DGKB: variants seen among roughly 807,000 people sequenced by gnomAD.
The protein encoded by DGKB is 90 kDa diacylglycerol kinase.
In DGKB, 67 loss-of-function variants were observed where a neutral mutation model predicts 114.3. The observed-to-expected ratio is 0.59, with a 90% CI of 0.48 to 0.72. The LOEUF is 0.72. Among genes scored for constraint, DGKB ranks in the 30% least tolerant of loss-of-function variants. The probability of loss-of-function intolerance (pLI) is 0.00; values close to 1 mark genes in which losing one functional copy is unlikely to be tolerated. For missense variants in DGKB, 907 were observed against 975.2 expected (o/e 0.93, Z 0.93); for synonymous variants, 398 against 323.1 (o/e 1.23, Z -2.49).
In DGKB at chr7:14,604,214, A is replaced by G. The variant is rs1315779499; in HGVS notation, c.1433+3220T>C. 2.0e-5 allele frequency among the ~76,000 whole-genome samples: 3 copies of G among 152,268 alleles called. No homozygotes were observed. The East Asian group carries it at 5.8e-4, about 29-fold the overall frequency. On this transcript the variant is annotated intron_variant, in intron 17 of 25. Transcript: ENST00000402815. ...TCAGGATCAGGGAGAGATGATTTAT[A>G]TAAAGAGATAGAATGGAAACACATA...
intron 20 of DGKB, among the ~76,000 whole-genome samples, chr7:14,550,243 A>AT (rs1274718793): frequency 6.6e-6 from 1 of 152,040 alleles, no homozygotes; most frequent in African/African-American, 2.4e-5. Context: ...GATTAGGTTA[A>AT]TTTTTTTCTA....
upstream of DGKB, chr7:14,903,212 A>AGTGTGTGTGTGTGTGTGTGT (rs34367492): frequency 3.6e-4 from 50 of 137,498 alleles, 1 homozygote; most frequent in Admixed American, 9.3e-4. Context: ...AAGTCTGTGC[A>AGTGTGTGTGTGTGTGTGTGT]GTGTGTGTGT....
At chr7:14,675,683 C>T (rs770808495) in intron 12 of DGKB, among the ~76,000 whole-genome samples, 106 of 151,682 alleles carry the variant, frequency 7.0e-4, no homozygotes, top group South Asian at 2.1e-4. Context: ...TAAGGCACTC[C>T]CCAAGACATA....
intron 23 of DGKB, among the ~76,000 whole-genome samples, chr7:14,207,799 A>C (rs1194487661): frequency 2.0e-5 from 3 of 151,982 alleles, no homozygotes; most frequent in Admixed American, 6.6e-5. Context: ...AACCATGAGG[A>C]TGAGTATATA....
At chr7:14,910,861 C>G (rs1783967473) in intron 1 of DGKB, among the ~76,000 whole-genome samples, 1 of 152,120 alleles carries the variant, frequency 6.6e-6, no homozygotes, top group Non-Finnish European at 1.5e-5. Flanking sequence ...TATAGAATAT[C>G]ACTAATGCTT....
intron 2 of DGKB, among the ~76,000 whole-genome samples, chr7:14,832,666 T>C (rs1422922116): frequency 6.6e-6 from 1 of 152,104 alleles, no homozygotes; most frequent in East Asian, 1.9e-4. Context: ...TCACTTATTC[T>C]CTTCTTTCTT....
At chr7:14,968,961 A>G (rs903748665) in intron 1 of DGKB, among the ~76,000 whole-genome samples, 12 of 152,132 alleles carry the variant, frequency 7.9e-5, no homozygotes, top group Non-Finnish European at 1.6e-4. Flanking sequence ...AATATAAGAG[A>G]GTCCATTCAC....
intron 20 of DGKB, among the ~76,000 whole-genome samples, chr7:14,550,533 A>G (rs1049694613): frequency 6.6e-6 from 1 of 152,210 alleles, no homozygotes; most frequent in African/African-American, 2.4e-5. Flanking sequence ...ATTTTCCAAG[A>G]AAAACATTAC....
chr7:14,774,792 T>C (rs1837916895), intron 2 of DGKB, among the ~76,000 whole-genome samples: 1 of 152,182 alleles, frequency 6.6e-6, no homozygotes, highest in Non-Finnish European at 1.5e-5. Context: ...GTTTTAGAAT[T>C]CTCTAATTTC....
chr7:14,933,493 T>C (rs1360175581), intron 1 of DGKB, among the ~76,000 whole-genome samples: 3 of 152,230 alleles, frequency 2.0e-5, no homozygotes, highest in African/African-American at 2.4e-5. Context: ...GCATTTTTCA[T>C]TGACATTTGT....
chr7:14,963,211 G>C (rs895194525), intron 1 of DGKB, among the ~76,000 whole-genome samples: 2 of 152,040 alleles, frequency 1.3e-5, no homozygotes, highest in Non-Finnish European at 2.9e-5. Context: ...GTGGCCAAGA[G>C]GGGGGTTACT....
intron 1 of DGKB, among the ~76,000 whole-genome samples, chr7:14,852,273 G>C (rs1423350818): frequency 6.7e-6 from 1 of 148,756 alleles, no homozygotes; most frequent in Non-Finnish European, 1.5e-5. Context: ...AGCATATGCT[G>C]AAAGAAGTGT....
At chr7:14,150,871 A>T in intron 25 of DGKB, among the ~76,000 whole-genome samples, 1 of 152,110 alleles carries the variant, frequency 6.6e-6, no homozygotes, top group East Asian at 1.9e-4. Context: ...TTCATTTCAC[A>T]AAATTTGTTC....
chr7:14,317,828 G>A (rs1327651678), intron 23 of DGKB, among the ~76,000 whole-genome samples: 3 of 46,640 alleles, frequency 6.4e-5, no homozygotes, highest in Non-Finnish European at 1.4e-4. Context: ...GCATCGCCAA[G>A]TCAATCCTAA....
intron 1 of DGKB, among the ~76,000 whole-genome samples, chr7:14,971,138 G>T (rs1265673764): frequency 1.3e-5 from 2 of 152,154 alleles, no homozygotes; most frequent in African/African-American, 4.8e-5. Flanking sequence ...CAGTTGAACA[G>T]CATCTGCAGG....
chr7:14,520,438 TCTC>T (rs1420311145), intron 20 of DGKB, among the ~76,000 whole-genome samples: 1 of 151,846 alleles, frequency 6.6e-6, no homozygotes, highest in Non-Finnish European at 1.5e-5. Context: ...GGCCTTTTTT[TCTC>T]TTCTACTACA....
chr7:14,630,333 G>C lies in DGKB; in HGVS notation c.1135-65C>G. 2.4e-6 allele frequency: 3 copies of C among 1,268,204 alleles called. No individual in the cohort carries two copies. The South Asian group carries it at 4.3e-5, about 18-fold the overall frequency. 78.6% of individuals were successfully genotyped at this position (1,268,204 alleles called of 1,614,324 possible). On this transcript the variant is annotated intron_variant, in intron 13 of 25. Transcript: ENST00000402815. ...GTCAAACTCAAAACAAATCAGTGAA[G>C]TTTCTCATATCATTACATGCCTGTG...
intron 6 of DGKB, among the ~76,000 whole-genome samples, chr7:14,705,937 G>A (rs1017167549): frequency 2.4e-4 from 36 of 147,516 alleles, no homozygotes; most frequent in African/African-American, 6.3e-4. Context: ...CTAACATCAT[G>A]ATGACAGGAT....
At chr7:14,931,715 T>G (rs1390396384) in intron 1 of DGKB, among the ~76,000 whole-genome samples, 2 of 152,132 alleles carry the variant, frequency 1.3e-5, no homozygotes, top group Non-Finnish European at 2.9e-5. Flanking sequence ...GCAGACAGTC[T>G]GCCAACCAGT....
Sources: gnomAD v4.1 joint callset for allele counts (sites outside exome capture counted in the v4.1 genomes callset) on GRCh38, gnomAD v4.1.1 for gene constraint, MANE v1.5 for transcripts, NCBI Gene and HGNC (gene_info 2026-07-23, HGNC 2026-07-21) for gene names.